ARHGAP6: variants seen among roughly 807,000 people sequenced by gnomAD.
ARHGAP6 encodes the protein rho GTPase-activating protein 6.
Under a neutral mutation model 55.7 loss-of-function variants are expected in ARHGAP6, and 16 were observed. That is an observed-to-expected ratio of 0.29 (90% CI 0.19 to 0.44). The LOEUF is 0.44. ARHGAP6 is among the 20% of genes least tolerant of loss of function. The pLI is 1.00. For missense variants in ARHGAP6, 698 were observed against 808.9 expected (o/e 0.86, Z 1.66); for synonymous variants, 382 against 360.9 (o/e 1.06, Z -0.66).
At chrX:11,362,575 C>A (rs1352497916) in intron 1 of ARHGAP6, among the ~76,000 whole-genome samples, 4 of 109,443 alleles carry the variant, frequency 3.7e-5, no homozygotes, top group Non-Finnish European at 5.7e-5. Flanking sequence ...TTAATGGGTG[C>A]AGCACACCAG....
intron 2 of ARHGAP6, among the ~76,000 whole-genome samples, chrX:11,220,467 G>C (rs1220456367): frequency 9.2e-6 from 1 of 108,853 alleles, no homozygotes; most frequent in Non-Finnish European, 1.9e-5. Context: ...AAGAGAGTGG[G>C]GGCCAATATT....
At chrX:11,648,928 C>A (rs759771528) in intron 1 of ARHGAP6, among the ~76,000 whole-genome samples, 2 of 111,894 alleles carry the variant, frequency 1.8e-5, no homozygotes, top group South Asian at 7.4e-4. Flanking sequence ...CTAGTGCACA[C>A]CTCATCATAT....
intron 1 of ARHGAP6, chrX:11,300,829 A>G (rs181540792): frequency 3.5e-5 from 13 of 374,812 alleles, no homozygotes; most frequent in African/African-American, 3.1e-4. Flanking sequence ...ATGAATGAGT[A>G]TTCTTGAATC....
intron 12 of ARHGAP6, among the ~76,000 whole-genome samples, 184 bp from the exon 13 acceptor site, chrX:11,139,714 A>G (rs1347238749): frequency 8.9e-6 from 1 of 112,336 alleles, no homozygotes; most frequent in Non-Finnish European, 1.9e-5. Context: ...AAACAAAAAA[A>G]GACAAATGCT....
At chrX:11,640,618 T>C (rs1278670541) in intron 1 of ARHGAP6, among the ~76,000 whole-genome samples, 1 of 111,801 alleles carries the variant, frequency 8.9e-6, no homozygotes, top group African/African-American at 3.2e-5. Context: ...ACTCCTGTCA[T>C]AATTTCACAC....
At chrX:11,215,905 C>A (rs2046874916) in intron 2 of ARHGAP6, among the ~76,000 whole-genome samples, 1 of 111,873 alleles carries the variant, frequency 8.9e-6, no homozygotes, top group Non-Finnish European at 1.9e-5. Flanking sequence ...TCAAAGCAGG[C>A]TCAAGAGCCT....
At chrX:11,527,641 GAATT>G (rs2051004564) in intron 1 of ARHGAP6, among the ~76,000 whole-genome samples, 1 of 112,133 alleles carries the variant, frequency 8.9e-6, no homozygotes, top group African/African-American at 3.2e-5. Flanking sequence ...AAAGAAAAAA[GAATT>G]AACCAATTGT....
intron 1 of ARHGAP6, among the ~76,000 whole-genome samples, chrX:11,373,257 C>T (rs967514882): frequency 1.2e-4 from 13 of 109,760 alleles, no homozygotes; most frequent in Admixed American, 5.0e-4. Flanking sequence ...CCGACAAATT[C>T]CTGCTTGGTA....
intron 2 of ARHGAP6, among the ~76,000 whole-genome samples, chrX:11,226,747 G>A (rs2047056106): frequency 8.9e-6 from 1 of 111,933 alleles, no homozygotes; most frequent in Admixed American, 9.5e-5. Flanking sequence ...TAAATAGGAA[G>A]TAGGCAAGTG....
At chrX:11,181,360 A>C (rs1482698541) in intron 6 of ARHGAP6, among the ~76,000 whole-genome samples, 1 of 112,436 alleles carries the variant, frequency 8.9e-6, no homozygotes, top group Admixed American at 9.4e-5. Flanking sequence ...TGAGTTGCTG[A>C]GTTCCTTATC....
At position 11,652,110 on chromosome X, in the gene ARHGAP6, T is replaced by G. The variant is rs1023975239; in HGVS notation, c.588+12131A>C. Among the ~76,000 whole-genome samples, 2 of 112,574 alleles carry G rather than the reference T, an allele frequency of 1.8e-5. 1 individual carries two copies. On this transcript the variant is annotated intron_variant, in intron 1 of 12. Coordinates refer to ENST00000337414, the MANE Select transcript of ARHGAP6 (RefSeq NM_013427.3). ...TGTTTACTGTGTTGATAGTTTCTTT[T>G]GCTGTGCAGCTCATTAGTTTAATTA...
chrX:11,275,698 G>A (rs1220646069), intron 1 of ARHGAP6, among the ~76,000 whole-genome samples: 2 of 111,658 alleles, frequency 1.8e-5, no homozygotes, highest in Non-Finnish European at 3.8e-5. Context: ...GATCGCTCAA[G>A]ATCTGGCCAC....
intron 1 of ARHGAP6, among the ~76,000 whole-genome samples, chrX:11,361,635 A>G (rs1483882433): frequency 2.7e-5 from 3 of 110,439 alleles, no homozygotes; most frequent in African/African-American, 9.9e-5. Flanking sequence ...AATGGCAACA[A>G]AAGCCAAAAT....
At chrX:11,602,442 C>T (rs182161051) in intron 1 of ARHGAP6, among the ~76,000 whole-genome samples, 17 of 112,375 alleles carry the variant, frequency 1.5e-4, no homozygotes, top group South Asian at 3.7e-4. Context: ...AGTGTCTCTC[C>T]GGGATACCTG....
At chrX:11,542,077 CT>C (rs534684948) in intron 1 of ARHGAP6, among the ~76,000 whole-genome samples, 510 of 98,002 alleles carry the variant, frequency 5.2e-3, no homozygotes, top group East Asian at 0.021. Context: ...CAAAGCCCTA[CT>C]TTTTTTTTTT....
intron 1 of ARHGAP6, among the ~76,000 whole-genome samples, chrX:11,466,599 G>T (rs1016944915): frequency 1.8e-5 from 2 of 111,371 alleles, no homozygotes; most frequent in Admixed American, 9.5e-5. Context: ...CAAACTCCTG[G>T]ACTCAAGCTG....
intron 2 of ARHGAP6, among the ~76,000 whole-genome samples, chrX:11,203,329 T>C (rs1429572807): frequency 8.9e-6 from 1 of 111,867 alleles, no homozygotes; most frequent in Admixed American, 9.5e-5. Context: ...TTTCACAGGG[T>C]TGAATTGTTT....
rs1206684052 is a variant in ARHGAP6 at position 11,664,550 on chromosome X, T to C, written c.279A>G (p.Leu93=). 2.5e-6 allele frequency: 3 copies of C among 1,194,829 alleles called. No individual in the cohort carries two copies. Among genetic ancestry groups the C allele is most frequent in the Non-Finnish European group, 2.3e-6 (2 of 886,694 alleles). ...SRGPPPRATR[L]PPPGPLCSSF... ...ACGAGCAAAGAGGTCCAGGAGGCGG[T>C]AGCCTGGTGGCCCTGGGGGGCGGAC... is the stretch of plus-strand genomic sequence containing the variant. Residue 93 remains leucine (L), a synonymous_variant, in exon 1 of 13, where the codon CTA becomes CTG. Transcript: ENST00000337414.
chrX:11,218,616 A>G (rs1461273051), intron 2 of ARHGAP6, among the ~76,000 whole-genome samples: 1 of 111,510 alleles, frequency 9.0e-6, no homozygotes, highest in African/African-American at 3.3e-5. Flanking sequence ...TTGGTAGGCT[A>G]TTAATTACTG....
Sources: allele counts gnomAD v4.1 joint callset (sites outside exome capture counted in the v4.1 genomes callset), GRCh38; gene constraint gnomAD v4.1.1; transcripts MANE v1.5; gene names NCBI Gene and HGNC (gene_info 2026-07-23, HGNC 2026-07-21).